URM1: variants seen among roughly 807,000 people sequenced by gnomAD.
URM1 encodes the protein ubiquitin related modifier 1.
URM1 carries 11 observed loss-of-function variants against 17.7 expected under a neutral mutation model. The observed-to-expected ratio is 0.62, with a 90% CI of 0.39 to 1.03. The LOEUF is 1.03. Ranked by LOEUF, URM1 falls within the 50% of genes least tolerant of loss-of-function variation. The pLI, the probability that URM1 is intolerant of heterozygous loss-of-function variation, is 0.00. For synonymous variants in URM1, 48 were observed against 50.6 expected, an observed-to-expected ratio of 0.95 and a Z score of 0.22; for missense variants, 128 against 129.2, an observed-to-expected ratio of 0.99 and a Z score of 0.04.
At position 128,387,804 on chromosome 9, in the gene URM1, A is replaced by G. The variant is rs749032894; in HGVS notation, c.107-12A>G. 12 of 1,614,014 alleles carry G rather than the reference A, an allele frequency of 7.4e-6. No individual in the cohort carries two copies. The African/African-American group carries it at 9.3e-5, about 13-fold the overall frequency. ...GGTTTGACAAGAGTTTGTTCTGTGC[A>G]TTCCTTTCCAGGGGACATCCGGAAC... On this transcript the variant is annotated splice_polypyrimidine_tract_variant and intron_variant, in intron 2 of 4. Transcript: ENST00000372853. This position sits in a 1 kb window ranked among gnomAD's most constrained non-coding sequence, Gnocchi z 4.3.
At chr9:128,384,837 GGA>G (rs1833205815) in intron 2 of URM1, among the ~76,000 whole-genome samples, 1 of 152,082 alleles carries the variant, frequency 6.6e-6, no homozygotes, top group Admixed American at 6.5e-5. Flanking sequence ...AGTAAGTGAT[GGA>G]GTCCAGCTCA....
chr9:128,388,398 G>T, intron 3 of URM1: 1 of 986,412 alleles, frequency 1.0e-6, no homozygotes, highest in Non-Finnish European at 1.2e-6. Flanking sequence ...ACACTCACTG[G>T]GGACACCCCA....
At chr9:128,380,981 C>T (rs1434889652) in intron 2 of URM1, among the ~76,000 whole-genome samples, 4 of 152,230 alleles carry the variant, frequency 2.6e-5, no homozygotes, top group Admixed American at 6.5e-5. Context: ...CCTGCCACCA[C>T]GCCCGGCTAA....
Position 128,389,847 on chromosome 9 carries a change from C to G in URM1, c.*113C>G, listed in dbSNP as rs41276664. 173 of 1,437,742 alleles carry G rather than the reference C, an allele frequency of 1.2e-4. No homozygotes were observed. Among genetic ancestry groups the G allele is most frequent in the African/African-American group, 1.7e-4 (12 of 70,606 alleles). The allele number at this position is 1,437,742 out of a possible 1,614,324, so 89.1% of individuals were successfully genotyped here. ...CCCCTTGCCTGCCTTCTTCCCTGCT[C>G]TGTCCCCTAAGCTCCCTCCAGGCAG... On this transcript the variant is annotated 3_prime_UTR_variant, in exon 5 of 5. Coordinates refer to ENST00000372853, the MANE Select transcript of URM1 (RefSeq NM_030914.4).
At chr9:128,389,330 C>T in intron 4 of URM1, 21 bp downstream of exon 4, 1 of 1,613,902 alleles carries the variant, frequency 6.2e-7, no homozygotes, top group East Asian at 2.2e-5. Context: ...TGGGGGACAT[C>T]CCTCCCCCAG....
chr9:128,371,527 C>T, intron 1 of URM1, 112 bp downstream of exon 1: 3 of 1,078,972 alleles, frequency 2.8e-6, no homozygotes, highest in Non-Finnish European at 4.1e-6. Flanking sequence ...GTCCCAGTGC[C>T]CGCTGTGAGC....
chr9:128,382,879 G>A (rs934716932), intron 2 of URM1, among the ~76,000 whole-genome samples: 26 of 152,126 alleles, frequency 1.7e-4, no homozygotes, highest in Admixed American at 9.2e-4. Flanking sequence ...AGGGTATTGC[G>A]GCTGCTGGGA....
chr9:128,389,076 G>A (rs1041255664), intron 3 of URM1, 185 bp from the exon 4 acceptor site: 4 of 1,404,878 alleles, frequency 2.8e-6, no homozygotes, highest in African/African-American at 2.9e-5. Context: ...CAAAGACCAT[G>A]CATGACTGAC....
chr9:128,391,506 G>A lies in URM1; in HGVS notation c.*1772G>A, dbSNP rs1833314764. 6.6e-6 allele frequency: 1 copy of A among 152,168 alleles called. No homozygotes were observed. Among genetic ancestry groups the A allele is most frequent in the Non-Finnish European group, 1.5e-5 (1 of 68,056 alleles). The allele number at this position is 152,168 out of a possible 1,614,324, so 9.4% of individuals were successfully genotyped here. On this transcript the variant is annotated 3_prime_UTR_variant, in exon 5 of 5. Transcript: ENST00000372853. ...CCTGAGGTCAGGGTCTCCATGTTAG[G>A]GAACAGAGCAAGAGACTTGGAACAG...
At position 128,389,649 on chromosome 9, in the gene URM1, C is replaced by T. The variant is rs2131302701; in HGVS notation, c.238-17C>T. On this transcript the variant is annotated splice_polypyrimidine_tract_variant and intron_variant, in intron 4 of 4. Transcript: ENST00000372853. The stretch of plus-strand genomic sequence containing the variant: ...GGTGGCCCTGAGGGTCTCCCGCTCC[C>T]CTCTCTCCCGCACCAGGGTGAGCTG... 1 of 1,613,392 alleles carries T rather than the reference C, an allele frequency of 6.2e-7. No individual in the cohort carries two copies. Among genetic ancestry groups the T allele is most frequent in the Non-Finnish European group, 8.5e-7 (1 of 1,179,932 alleles).
At chr9:128,386,199 T>G (rs1033663965) in intron 2 of URM1, among the ~76,000 whole-genome samples, 1 of 152,190 alleles carries the variant, frequency 6.6e-6, no homozygotes, top group Non-Finnish European at 1.5e-5. Context: ...GGCTGGCTGA[T>G]GGATGTGTCA....
intron 2 of URM1, among the ~76,000 whole-genome samples, chr9:128,378,925 T>G (rs1588581008): frequency 1.7e-5 from 2 of 116,048 alleles, no homozygotes. Context: ...CCAGCCTGGG[T>G]GGCAGAGCAA....
intron 2 of URM1, among the ~76,000 whole-genome samples, chr9:128,381,112 C>T (rs1833154542): frequency 6.6e-6 from 1 of 152,140 alleles, no homozygotes; most frequent in African/African-American, 2.4e-5. Context: ...GTGTGAGCCA[C>T]CGCGCCCAGC....
intron 2 of URM1, among the ~76,000 whole-genome samples, chr9:128,384,448 G>A (rs1380768596): frequency 1.3e-5 from 2 of 152,176 alleles, no homozygotes; most frequent in African/African-American, 4.8e-5. Context: ...ACAGAAGGAA[G>A]GTCAGTATCT....
intron 1 of URM1, among the ~76,000 whole-genome samples, chr9:128,377,546 T>G (rs530692348): frequency 1.4e-4 from 21 of 152,182 alleles, no homozygotes; most frequent in Non-Finnish European, 2.1e-4. Context: ...GGCTCATGTC[T>G]GTAGTCCCAG....
intron 1 of URM1, among the ~76,000 whole-genome samples, chr9:128,375,130 A>G (rs1476865629): frequency 6.6e-6 from 1 of 152,212 alleles, no homozygotes; most frequent in African/African-American, 2.4e-5. Context: ...TGAGCAAATA[A>G]TATCTACCTC....
At chr9:128,384,913 C>T (rs1833206849) in intron 2 of URM1, among the ~76,000 whole-genome samples, 1 of 152,188 alleles carries the variant, frequency 6.6e-6, no homozygotes, top group Admixed American at 6.5e-5. Context: ...CTCCTTCCCT[C>T]CCTACCTCCC....
chr9:128,372,437 G>T (rs1478331366), intron 1 of URM1, among the ~76,000 whole-genome samples: 3 of 152,018 alleles, frequency 2.0e-5, no homozygotes, highest in African/African-American at 7.2e-5. Context: ...TCCCTTAATT[G>T]GGTAGTTCAT....
At chr9:128,382,523 G>A (rs915877354) in intron 2 of URM1, among the ~76,000 whole-genome samples, 11 of 152,170 alleles carry the variant, frequency 7.2e-5, no homozygotes, top group Admixed American at 1.3e-4. Flanking sequence ...GAGGGAACTC[G>A]TGGCTCCTAG....
Sources: gnomAD v4.1 joint callset for allele counts (sites outside exome capture counted in the v4.1 genomes callset) on GRCh38, gnomAD v4.1.1 for gene constraint, Gnocchi (gnomAD v3.1) non-coding constraint, MANE v1.5 for transcripts, NCBI Gene and HGNC (gene_info 2026-07-23, HGNC 2026-07-21) for gene names.